The following LRRC14 variants were observed in gnomAD, a reference collection of about 807,000 sequenced individuals.
The protein encoded by LRRC14 is leucine-rich repeat-containing protein 14.
In LRRC14, 16 loss-of-function variants were observed where a neutral mutation model predicts 25.3. The ratio of observed to expected loss-of-function variants is 0.63; its 90% CI spans 0.43 to 0.96. LRRC14 has a LOEUF of 0.96. Among genes scored for constraint, LRRC14 ranks in the 40% least tolerant of loss-of-function variants. LRRC14 has a pLI of 0.00. For missense variants in LRRC14, 594 were observed against 660.5 expected (o/e 0.90, Z 1.10); for synonymous variants, 359 against 295.1 (o/e 1.22, Z -2.22).
Position 144,523,632 on chromosome 8 carries a change from AC to A in LRRC14, c.*2155del. The stretch of plus-strand genomic sequence containing the variant: ...TTTAGCTCTGTGATGCCTGCCTGTT[AC>A]AGATCACTTCTCCGTCGGTCTCTGA... On this transcript the variant is annotated 3_prime_UTR_variant, in exon 4 of 4. Transcript: ENST00000292524. The A allele has an allele frequency of 1.8e-6, 1 of 559,974 alleles. No homozygotes were observed. 34.7% of individuals were successfully genotyped at this position (559,974 alleles called of 1,614,324 possible).
chr8:144,520,878 T>C, intron 3 of LRRC14, 33 bp from the exon 4 acceptor site: 1 of 1,596,926 alleles, frequency 6.3e-7, no homozygotes, highest in Non-Finnish European at 8.5e-7. Context: ...CCTCCCTGGC[T>C]CTGCCTGTCT....
rs754913719 is a variant in LRRC14 at position 144,520,247 on chromosome 8, G to A, written c.339G>A (p.Ala113=). 2.9e-5 allele frequency: 46 copies of A among 1,608,328 alleles called. No individual in the cohort carries two copies. The South Asian group carries it at 3.5e-4, about 12-fold the overall frequency. Residue 113 remains alanine (A), a synonymous_variant, in exon 3 of 4, where the codon GCG becomes GCA. Coordinates refer to ENST00000292524, the MANE Select transcript of LRRC14 (RefSeq NM_014665.4). ...CCATTCCTACTCCCAGGAAGCATGC[G>A]CTGCGGGTGCTGGACATGACGGGCC... ...ASTQPLCRKH[A]LRVLDMTGLL... is the part of the protein sequence containing the mutation.
At position 144,522,452 on chromosome 8, in the gene LRRC14, A is replaced by G; in HGVS notation, c.*974A>G. ...CCGCACCGGCCAATCTCCGGCGCCC[A>G]CGTCATCCGCGCGCCCGCGGCCCTA... On this transcript the variant is annotated 3_prime_UTR_variant, in exon 4 of 4. Coordinates refer to ENST00000292524, the MANE Select transcript of LRRC14 (RefSeq NM_014665.4). The G allele has an allele frequency of 7.2e-7, 1 of 1,394,938 alleles. No individual in the cohort carries two copies. Among genetic ancestry groups the G allele is most frequent in the Non-Finnish European group, 9.2e-7 (1 of 1,083,744 alleles). The allele number at this position is 1,394,938 out of a possible 1,614,324, so 86.4% of individuals were successfully genotyped here.
In LRRC14 at chr8:144,522,359, T is replaced by C. The variant is rs1415766134; in HGVS notation, c.*881T>C. The C allele has an allele frequency of 3.0e-6, 4 of 1,319,724 alleles. No individual in the cohort carries two copies. The African/African-American group carries it at 6.2e-5, about 20-fold the overall frequency. 81.8% of individuals were successfully genotyped at this position (1,319,724 alleles called of 1,614,324 possible). ...GATTCCCGAGTGCAACGTTCCCGGC[T>C]CGCGCCCCACACACGGCTCAGCGCA... On this transcript the variant is annotated 3_prime_UTR_variant, in exon 4 of 4. Coordinates refer to ENST00000292524, the MANE Select transcript of LRRC14 (RefSeq NM_014665.4).
rs1362640649 is a variant in LRRC14 at position 144,522,631 on chromosome 8, G to A, written c.*1153G>A. On this transcript the variant is annotated 3_prime_UTR_variant, in exon 4 of 4. Transcript: ENST00000292524. ...ACATCTCGTGGCCGCGCTCGTCGCG[G>A]AGCTCCTCTAGCTGTGCGAACGTAC... The A allele has an allele frequency of 6.3e-7, 1 of 1,578,178 alleles. No homozygotes were observed. The highest frequency in any genetic ancestry group is 8.6e-7 in the Non-Finnish European group (1 of 1,164,586).
chr8:144,522,546 A>T lies in LRRC14; in HGVS notation c.*1068A>T, dbSNP rs774758540. The T allele has an allele frequency of 3.3e-6, 5 of 1,531,580 alleles. No homozygotes were observed. The highest frequency in any genetic ancestry group is 3.5e-6 in the Non-Finnish European group (4 of 1,141,508). The allele number at this position is 1,531,580 out of a possible 1,614,324, so 94.9% of individuals were successfully genotyped here. On this transcript the variant is annotated 3_prime_UTR_variant, in exon 4 of 4. Transcript: ENST00000292524. ...GGCCCCGCCCCCTGTTCCGGGCCGC[A>T]GTCAGCGGGCGCCTCCGCCGGACCC... is the stretch of plus-strand genomic sequence containing the variant.
rs1408638872 is a variant in LRRC14, at chr8:144,524,563, T to A, written c.*3085T>A. The A allele has an allele frequency of 1.9e-6, 3 of 1,568,480 alleles. No homozygotes were observed. In the South Asian group the frequency reaches 3.4e-5, roughly 18 times the overall value. ...CGCAAGCCGCGCAGCCGGTTGCTAG[T>A]GAGCGCCAGCTCCAGCAGGCGCGGC... On this transcript the variant is annotated 3_prime_UTR_variant, in exon 4 of 4. Transcript: ENST00000292524.
In LRRC14 at chr8:144,522,536, T is replaced by C. The variant is rs13277542; in HGVS notation, c.*1058T>C. ...GCGGAGTCCCGGCCCCGCCCCCTGT[T>C]CCGGGCCGCAGTCAGCGGGCGCCTC... On this transcript the variant is annotated 3_prime_UTR_variant, in exon 4 of 4. Transcript: ENST00000292524. The C allele has an allele frequency of 9.6e-5, 146 of 1,520,616 alleles. No homozygotes were observed. Among genetic ancestry groups the C allele is most frequent in the Middle Eastern group, 3.5e-4 (2 of 5,680 alleles). 94.2% of individuals were successfully genotyped at this position (1,520,616 alleles called of 1,614,324 possible). A position where few individuals can be genotyped will look rare whatever the true frequency, so the allele number is the denominator to read the frequency against.
chr8:144,525,010 G>A lies in LRRC14; in HGVS notation c.*3532G>A. 1 of 1,410,614 alleles carries A rather than the reference G, an allele frequency of 7.1e-7. No homozygotes were observed. The highest frequency in any genetic ancestry group is 3.0e-5 in the Admixed American group (1 of 33,648). 87.4% of individuals were successfully genotyped at this position (1,410,614 alleles called of 1,614,324 possible). ...CCGGTTCCTCACCGGCCCTTCCGCG[G>A]TTCAGCCGCAGACGCGTGCCCTCCT... On this transcript the variant is annotated 3_prime_UTR_variant, in exon 4 of 4. Coordinates refer to ENST00000292524, the MANE Select transcript of LRRC14 (RefSeq NM_014665.4).
chr8:144,522,817 G>A lies in LRRC14; in HGVS notation c.*1339G>A. 6.7e-7 allele frequency: 1 copy of A among 1,492,908 alleles called. No homozygotes were observed. Among genetic ancestry groups the A allele is most frequent in the Non-Finnish European group, 8.9e-7 (1 of 1,124,764 alleles). 92.5% of individuals were successfully genotyped at this position (1,492,908 alleles called of 1,614,324 possible). On this transcript the variant is annotated 3_prime_UTR_variant, in exon 4 of 4. Transcript: ENST00000292524. ...CCGCAATGGCCGTCTGTGTGGCCAC[G>A]CCCAGGGCGCGGAAGGCCATGCTGC... is the stretch of plus-strand genomic sequence containing the variant.
At position 144,523,927 on chromosome 8, in the gene LRRC14, G is replaced by A. The variant is rs1816238059; in HGVS notation, c.*2449G>A. On this transcript the variant is annotated 3_prime_UTR_variant, in exon 4 of 4. Coordinates refer to ENST00000292524, the MANE Select transcript of LRRC14 (RefSeq NM_014665.4). Reference sequence around the variant, plus strand: ...TCCTGTCTTCTGTTTTCCCCAGGCAGGGTGCCTGAGCTGTATTCCCCAGCA... The same window carrying A: ...TCCTGTCTTCTGTTTTCCCCAGGCAAGGTGCCTGAGCTGTATTCCCCAGCA... 1.2e-5 allele frequency: 8 copies of A among 683,108 alleles called. 1 individual carries two copies. In the South Asian group the frequency reaches 1.6e-4, roughly 13 times the overall value. 42.3% of individuals were successfully genotyped at this position (683,108 alleles called of 1,614,324 possible).
rs1418320089 is a variant in LRRC14 at position 144,524,345 on chromosome 8, C to G, written c.*2867C>G. Reference sequence around the variant, plus strand: ...GGTTGGGGGCATGTCTCTCTTCTTACCAAGCTAGACTGGGTTGCCTTTTCT... The same window carrying G: ...GGTTGGGGGCATGTCTCTCTTCTTAGCAAGCTAGACTGGGTTGCCTTTTCT... On this transcript the variant is annotated 3_prime_UTR_variant, in exon 4 of 4. Coordinates refer to ENST00000292524, the MANE Select transcript of LRRC14 (RefSeq NM_014665.4). The G allele has an allele frequency of 1.3e-6, 2 of 1,597,958 alleles. No homozygotes were observed. The highest frequency in any genetic ancestry group is 2.7e-5 in the African/African-American group (2 of 74,806).
Position 144,519,798 on chromosome 8 carries a change from T to C in LRRC14, c.73T>C (p.Leu25=), listed in dbSNP as rs2721172. Residue 25 remains leucine, a synonymous_variant, in exon 2 of 4, where the codon TTG becomes CTG. Coordinates refer to ENST00000292524, the MANE Select transcript of LRRC14 (RefSeq NM_014665.4). ...GCCAGCTGCCTGCCAGGCCCTGCCC[T>C]TGCTGCCACGCGAACTCTTCCCCCT... ...CQPAACQALP[L]LPRELFPLLF... is the part of the protein sequence containing the mutation. 0.99 allele frequency: 1,595,647 copies of C among 1,613,306 alleles called. 790,801 individuals carry two copies. The highest frequency in any genetic ancestry group is 1 in the Non-Finnish European group (1,179,721 of 1,180,028).
rs1816144895 is a variant in LRRC14 at position 144,522,511 on chromosome 8, G to GCGGAGT, written c.*1035_*1040dup. 2 of 1,497,440 alleles carry GCGGAGT rather than the reference G, an allele frequency of 1.3e-6. No homozygotes were observed. Among genetic ancestry groups the GCGGAGT allele is most frequent in the Non-Finnish European group, 1.8e-6 (2 of 1,128,462 alleles). The allele number at this position is 1,497,440 out of a possible 1,614,324, so 92.8% of individuals were successfully genotyped here. On this transcript the variant is annotated 3_prime_UTR_variant, in exon 4 of 4. Transcript: ENST00000292524. ...TCTCGTAGGCGACCGGCGGGGGCAC[G>GCGGAGT]CGGAGTCCCGGCCCCGCCCCCTGTT...
rs67557810 is a variant in LRRC14, at chr8:144,525,166, C to T, written c.*3688C>T. 0.076 allele frequency: 41,465 copies of T among 543,572 alleles called. 1,854 individuals carry two copies. Among genetic ancestry groups the T allele is most frequent in the African/African-American group, 0.12 (6,270 of 50,804 alleles). The allele number at this position is 543,572 out of a possible 1,614,324, so 33.7% of individuals were successfully genotyped here. On this transcript the variant is annotated 3_prime_UTR_variant, in exon 4 of 4. Transcript: ENST00000292524. Reference sequence around the variant, plus strand: ...AACTAATAAAACGTTCTGGTTTTCTCCTTTGACAAAAACATTTTCTTAAAG... The same window carrying T: ...AACTAATAAAACGTTCTGGTTTTCTTCTTTGACAAAAACATTTTCTTAAAG...
chr8:144,524,506 G>T lies in LRRC14; in HGVS notation c.*3028G>T. On this transcript the variant is annotated 3_prime_UTR_variant, in exon 4 of 4. Coordinates refer to ENST00000292524, the MANE Select transcript of LRRC14 (RefSeq NM_014665.4). ...TGGTTGCCCGCCAGGTAGAGCACGC[G>T]CAGCTGGGCCAGGCCTACGAAGGCG... 1.3e-6 allele frequency: 2 copies of T among 1,596,466 alleles called. No individual in the cohort carries two copies. The highest frequency in any genetic ancestry group is 1.7e-6 in the Non-Finnish European group (2 of 1,179,376).
rs1292357499 is a variant in LRRC14, at chr8:144,524,491, C to T, written c.*3013C>T. The T allele has an allele frequency of 6.3e-7, 1 of 1,597,550 alleles. No individual in the cohort carries two copies. On this transcript the variant is annotated 3_prime_UTR_variant, in exon 4 of 4. Coordinates refer to ENST00000292524, the MANE Select transcript of LRRC14 (RefSeq NM_014665.4). ...AGCAGCCGCGCCAGCTGGTTGCCCG[C>T]CAGGTAGAGCACGCGCAGCTGGGCC...
In LRRC14 at chr8:144,522,890, G is replaced by C. The variant is rs770798635; in HGVS notation, c.*1412G>C. On this transcript the variant is annotated 3_prime_UTR_variant, in exon 4 of 4. Coordinates refer to ENST00000292524, the MANE Select transcript of LRRC14 (RefSeq NM_014665.4). ...GCCGGCGGGGCGGGCGGCCGGAGGC[G>C]GCGGTTGCGCGGGCTGCTGCGGCTG... 172 of 1,280,628 alleles carry C rather than the reference G, an allele frequency of 1.3e-4. No homozygotes were observed. The South Asian group carries it at 3.8e-3, about 28-fold the overall frequency. The allele number at this position is 1,280,628 out of a possible 1,614,324, so 79.3% of individuals were successfully genotyped here. A position where few individuals can be genotyped will look rare whatever the true frequency, so the allele number is the denominator to read the frequency against.
Position 144,520,432 on chromosome 8 carries a change from G to C in LRRC14, c.524G>C (p.Arg175Pro). ...VEVRVDLRVN[R>P]ASYAFLREAL... is the part of the protein sequence containing the mutation. ...GTGCGCGTGGACCTGCGGGTGAACC[G>C]GGCCTCCTATGCGTTCCTGCGGGAG... is the stretch of plus-strand genomic sequence containing the variant. The change falls in exon 3 of 4, where the codon CGG (arginine) becomes CCG (proline). Residue 175 changes from arginine to proline, a missense_variant. Transcript: ENST00000292524. The C allele has an allele frequency of 1.3e-6, 2 of 1,599,432 alleles. No individual in the cohort carries two copies. Among genetic ancestry groups the C allele is most frequent in the South Asian group, 1.1e-5 (1 of 90,794 alleles).
Sources: allele counts gnomAD v4.1 joint callset, GRCh38; gene constraint gnomAD v4.1.1; transcripts MANE v1.5; gene names NCBI Gene and HGNC (gene_info 2026-07-23, HGNC 2026-07-21).